PDLIM1: variants seen among roughly 807,000 people sequenced by gnomAD.
PDLIM1 encodes the protein PDZ and LIM domain protein 1.
In PDLIM1, 25 loss-of-function variants were observed where a neutral mutation model predicts 35.2. That is an observed-to-expected ratio of 0.71 (90% CI 0.52 to 0.99). The LOEUF (loss-of-function observed/expected upper bound fraction) is 0.99, where lower values mean the gene tolerates loss of function less well. Ranked by LOEUF, PDLIM1 falls within the 50% of genes least tolerant of loss-of-function variation. PDLIM1 has a pLI of 0.00. For synonymous variants in PDLIM1, 152 were observed against 154.0 expected, an observed-to-expected ratio of 0.99 and a Z score of 0.10; for missense variants, 363 against 415.3, an observed-to-expected ratio of 0.87 and a Z score of 1.09.
chr10:95,283,206 T>C (rs1310565452), intron 1 of PDLIM1, among the ~76,000 whole-genome samples: 1 of 152,252 alleles, frequency 6.6e-6, no homozygotes, highest in Non-Finnish European at 1.5e-5. Context: ...ACACTCAATA[T>C]ATAGTAGCTA....
chr10:95,238,187 C>A, intron 6 of PDLIM1, 76 bp from the exon 7 acceptor site: 2 of 1,342,520 alleles, frequency 1.5e-6, no homozygotes, highest in South Asian at 2.7e-5. Flanking sequence ...GTGGCACCAT[C>A]CTTCCTGAGC....
At chr10:95,289,181 G>A (rs76672094) in intron 1 of PDLIM1, among the ~76,000 whole-genome samples, 12,907 of 152,314 alleles carry the variant, frequency 0.085, 705 homozygotes, top group Middle Eastern at 0.19. Flanking sequence ...AGGGCTGACA[G>A]GTTAATTATA....
At chr10:95,250,742 T>C (rs757668185) in intron 4 of PDLIM1, among the ~76,000 whole-genome samples, 14 of 152,246 alleles carry the variant, frequency 9.2e-5, no homozygotes, top group Admixed American at 7.9e-4. Flanking sequence ...ACCCACTCTA[T>C]ACAGTTTTAA....
chr10:95,260,731 G>C (rs1044167071), intron 4 of PDLIM1, among the ~76,000 whole-genome samples: 2 of 152,216 alleles, frequency 1.3e-5, no homozygotes, highest in African/African-American at 4.8e-5. Context: ...CCAGAGAATG[G>C]GTGATGACCT....
chr10:95,247,468 T>C (rs1159406284), intron 4 of PDLIM1, 102 bp from the exon 5 acceptor site: 10 of 936,456 alleles, frequency 1.1e-5, no homozygotes, highest in East Asian at 9.9e-5. Context: ...GAAGGATGGA[T>C]AGAAATGATC....
intron 1 of PDLIM1, among the ~76,000 whole-genome samples, chr10:95,285,640 A>G (rs931047770): frequency 1.3e-5 from 2 of 152,184 alleles, no homozygotes; most frequent in Non-Finnish European, 2.9e-5. Flanking sequence ...GCTGTTATTA[A>G]TATATTACTA....
Position 95,237,727 on chromosome 10 carries a change from G to C in PDLIM1, c.*198C>G, listed in dbSNP as rs941782054. On this transcript the variant is annotated 3_prime_UTR_variant, in exon 7 of 7. Transcript: ENST00000329399. ...TGACAAGGTGACACTGAACAAAACA[G>C]TTTTCCTTTAATTGTAAAAGCGGGC... is the stretch of plus-strand genomic sequence containing the variant. 1.8e-6 allele frequency: 1 copy of C among 570,538 alleles called. No individual in the cohort carries two copies. The highest frequency in any genetic ancestry group is 3.1e-5 in the Admixed American group (1 of 32,398). 35.3% of individuals were successfully genotyped at this position (570,538 alleles called of 1,614,324 possible). A position where few individuals can be genotyped will look rare whatever the true frequency, so the allele number is the denominator to read the frequency against.
In PDLIM1 at chr10:95,290,496, G is replaced by T. The variant is rs899066820; in HGVS notation, c.96+324C>A. 1.3e-5 allele frequency among the ~76,000 whole-genome samples: 2 copies of T among 152,134 alleles called. No homozygotes were observed. Among genetic ancestry groups the T allele is most frequent in the East Asian group, 3.9e-4 (2 of 5,176 alleles). ...TCTCCCAGCGCGCGGGATCTGCGGGGACCCTCGTCCCCTCGCTGGTTGACA... is the reference window on the plus strand; with the variant it reads ...TCTCCCAGCGCGCGGGATCTGCGGGTACCCTCGTCCCCTCGCTGGTTGACA... On this transcript the variant is annotated intron_variant, in intron 1 of 6. Coordinates refer to ENST00000329399, the MANE Select transcript of PDLIM1 (RefSeq NM_020992.4). This position sits in a 1 kb window ranked among gnomAD's most constrained non-coding sequence, Gnocchi z 4.7.
chr10:95,257,005 A>AGAAAGAAG (rs2035319401), intron 4 of PDLIM1, among the ~76,000 whole-genome samples: 1 of 125,730 alleles, frequency 8.0e-6, no homozygotes, highest in Admixed American at 8.2e-5. Flanking sequence ...AAAGAAAGAA[A>AGAAAGAAG]GAAAGAAAGA....
chr10:95,257,897 G>A (rs1390822888), intron 4 of PDLIM1, among the ~76,000 whole-genome samples: 4 of 152,116 alleles, frequency 2.6e-5, no homozygotes, highest in African/African-American at 4.8e-5. Context: ...CAACCTAAAC[G>A]TCCATAAAAA....
At chr10:95,289,333 G>A (rs1055588220) in intron 1 of PDLIM1, among the ~76,000 whole-genome samples, 2 of 152,202 alleles carry the variant, frequency 1.3e-5, no homozygotes, top group East Asian at 1.9e-4. Flanking sequence ...TACCAGGCTC[G>A]GGGACGATTC....
At position 95,263,870 on chromosome 10, in the gene PDLIM1, C is replaced by T. The variant is rs1253942171; in HGVS notation, c.527G>A (p.Ser176Asn). The T allele has an allele frequency of 6.2e-7, 1 of 1,611,124 alleles. No individual in the cohort carries two copies. The highest frequency in any genetic ancestry group is 1.1e-5 in the South Asian group (1 of 90,584). Reference protein sequence around the residue: ...KTAASGVEANSRPLDHAQPPS... With the variant: ...KTAASGVEANNRPLDHAQPPS... ...GGACTCCTGGGCTACTTACGGTCTG[C>T]TGTTCGCCTCCACCCCGCTGGCAGC... The change falls in exon 4 of 7, where the codon AGC (serine) becomes AAC (asparagine). Residue 176 changes from serine (S) to asparagine (N), a missense_variant. Transcript: ENST00000329399.
chr10:95,249,587 T>C (rs749387384), intron 4 of PDLIM1, among the ~76,000 whole-genome samples: 2 of 152,178 alleles, frequency 1.3e-5, no homozygotes, highest in African/African-American at 2.4e-5. Flanking sequence ...ATGAATTATA[T>C]CAGTTACGCT....
chr10:95,253,377 A>C (rs762108886), intron 4 of PDLIM1, among the ~76,000 whole-genome samples: 8 of 152,194 alleles, frequency 5.3e-5, no homozygotes, highest in Non-Finnish European at 1.2e-4. Flanking sequence ...TGTTTAAAGG[A>C]AGTTCTCTAA....
intron 1 of PDLIM1, among the ~76,000 whole-genome samples, chr10:95,279,252 T>G (rs557629952): frequency 3.7e-4 from 57 of 152,276 alleles, no homozygotes; most frequent in African/African-American, 1.3e-3. Flanking sequence ...CATGCTCTAC[T>G]GCCCCAGCCA....
At position 95,256,986 on chromosome 10, in the gene PDLIM1, A is replaced by G. The variant is rs7476349; in HGVS notation, c.533+6878T>C. On this transcript the variant is annotated intron_variant, in intron 4 of 6. Coordinates refer to ENST00000329399, the MANE Select transcript of PDLIM1 (RefSeq NM_020992.4). Reference sequence around the variant, plus strand: ...TGAGACTTCATCTTAAAAAAAAAAAAAAAGAAAGAAAGAAAGAAAGAAAGA... The same window carrying G: ...TGAGACTTCATCTTAAAAAAAAAAAGAAAGAAAGAAAGAAAGAAAGAAAGA... 1.0e-3 allele frequency among the ~76,000 whole-genome samples: 64 copies of G among 61,658 alleles called. 1 individual carries two copies. The highest frequency in any genetic ancestry group is 9.0e-3 in the East Asian group (27 of 3,006). The allele number at this position is 61,658 out of a possible 152,430, so 40.5% of individuals were successfully genotyped here.
intron 4 of PDLIM1, among the ~76,000 whole-genome samples, chr10:95,251,148 T>A (rs1214910769): frequency 6.6e-6 from 1 of 151,714 alleles, no homozygotes; most frequent in East Asian, 1.9e-4. Flanking sequence ...CGCCCATGGC[T>A]CTGGAGCATG....
chr10:95,238,526 A>G, intron 6 of PDLIM1, 42 bp downstream of exon 6: 1 of 1,233,774 alleles, frequency 8.1e-7, no homozygotes, highest in Non-Finnish European at 1.2e-6. Flanking sequence ...TGGTTTACCC[A>G]ACCTGCAGGG....
rs2035517061 is a variant in PDLIM1, at chr10:95,276,921, A to AAAAC, written c.97-5141_97-5138dup. On this transcript the variant is annotated intron_variant, in intron 1 of 6. Transcript: ENST00000329399. Reference sequence around the variant, plus strand: ...TAAAAAAAAAAAAAAAAAAAAAAAAAAAACTTCTGGGCCAGGCATGGTGGC... The same window carrying AAAAC: ...TAAAAAAAAAAAAAAAAAAAAAAAAAAAACAAACTTCTGGGCCAGGCATGGTGGC... 3.8e-5 allele frequency among the ~76,000 whole-genome samples: 5 copies of AAAAC among 132,720 alleles called. 1 individual carries two copies. Among genetic ancestry groups the AAAAC allele is most frequent in the South Asian group, 2.6e-4 (1 of 3,892 alleles). The allele number at this position is 132,720 out of a possible 152,430, so 87.1% of individuals were successfully genotyped here. A position where few individuals can be genotyped will look rare whatever the true frequency, so the allele number is the denominator to read the frequency against.
Sources: allele counts gnomAD v4.1 joint callset (sites outside exome capture counted in the v4.1 genomes callset), GRCh38; gene constraint gnomAD v4.1.1; non-coding constraint Gnocchi (gnomAD v3.1); transcripts MANE v1.5; gene names NCBI Gene and HGNC (gene_info 2026-07-23, HGNC 2026-07-21).